The following TRPC5 variants were observed in gnomAD, a reference collection of about 807,000 sequenced individuals.
The protein encoded by TRPC5 is short transient receptor potential channel 5.
TRPC5 carries 9 observed loss-of-function variants against 56.5 expected under a neutral mutation model. That is an observed-to-expected ratio of 0.16 (90% CI 0.10 to 0.28). TRPC5 has a LOEUF of 0.28. Among genes scored for constraint, TRPC5 ranks in the 10% least tolerant of loss-of-function variants. TRPC5 has a pLI of 1.00. For synonymous variants in TRPC5, 282 were observed against 278.5 expected, an observed-to-expected ratio of 1.01 and a Z score of -0.13; for missense variants, 469 against 748.9, an observed-to-expected ratio of 0.63 and a Z score of 4.36.
intron 1 of TRPC5, among the ~76,000 whole-genome samples, chrX:112,055,663 A>C (rs1051954971): frequency 1.7e-4 from 18 of 108,995 alleles, no homozygotes; most frequent in African/African-American, 5.6e-4. Flanking sequence ...ACATACTTTA[A>C]ATTTTCCTTT....
chrX:111,828,213 G>A (rs1717312529), intron 7 of TRPC5, among the ~76,000 whole-genome samples: 1 of 111,902 alleles, frequency 8.9e-6, no homozygotes, highest in Non-Finnish European at 1.9e-5. Flanking sequence ...TTACTGATAT[G>A]GTTTGGCTGT....
chrX:111,910,876 G>A (rs1180474834), intron 3 of TRPC5, among the ~76,000 whole-genome samples: 1 of 112,783 alleles, frequency 8.9e-6, no homozygotes, highest in East Asian at 2.8e-4. Flanking sequence ...GTATTTCGCT[G>A]TGCGTAAGTA....
intron 1 of TRPC5, among the ~76,000 whole-genome samples, chrX:112,008,107 T>C (rs1162799651): frequency 4.5e-5 from 5 of 112,171 alleles, no homozygotes; most frequent in Non-Finnish European, 7.5e-5. Flanking sequence ...CATAGATTAG[T>C]TCCTCTCATA....
intron 1 of TRPC5, among the ~76,000 whole-genome samples, chrX:111,996,670 A>G (rs1405077179): frequency 2.7e-5 from 3 of 111,566 alleles, no homozygotes; most frequent in African/African-American, 9.8e-5. Context: ...GTGCTCCTGT[A>G]TTGGGTGCAT....
chrX:111,847,446 A>G lies in TRPC5; in HGVS notation c.1378-10T>C. 1 of 1,192,541 alleles carries G rather than the reference A, an allele frequency of 8.4e-7. No homozygotes were observed. Among genetic ancestry groups the G allele is most frequent in the Non-Finnish European group, 1.1e-6 (1 of 882,554 alleles). ...GACGAGAACCATTATACTGAAAGAA[A>G]CAACAAGTGCACAAGATGAGGGGTA... is the stretch of plus-strand genomic sequence containing the variant. On this transcript the variant is annotated splice_polypyrimidine_tract_variant and intron_variant, in intron 5 of 10. Coordinates refer to ENST00000262839, the MANE Select transcript of TRPC5 (RefSeq NM_012471.3).
intron 1 of TRPC5, among the ~76,000 whole-genome samples, chrX:111,970,099 C>T (rs913970889): frequency 9.0e-6 from 1 of 110,670 alleles, no homozygotes; most frequent in African/African-American, 3.3e-5. Flanking sequence ...AAATAATATC[C>T]AAGTTTAAGC....
chrX:111,982,271 G>A (rs1188971193), intron 1 of TRPC5, among the ~76,000 whole-genome samples: 1 of 112,033 alleles, frequency 8.9e-6, no homozygotes, highest in Non-Finnish European at 1.9e-5. Context: ...AAATACGCAT[G>A]ATAATTATAG....
At chrX:111,808,564 G>A (rs1921599491) in intron 7 of TRPC5, among the ~76,000 whole-genome samples, 1 of 110,596 alleles carries the variant, frequency 9.0e-6, no homozygotes, top group South Asian at 3.9e-4. Context: ...TTGGTGCAGG[G>A]AAGGTCCAGA....
rs961871034 is a variant in TRPC5 at position 112,041,343 on chromosome X, T to C, written c.-22+40536A>G. On this transcript the variant is annotated intron_variant, in intron 1 of 10. Coordinates refer to ENST00000262839, the MANE Select transcript of TRPC5 (RefSeq NM_012471.3). ...TACCCGCTAAGACCTATGAAACTGA[T>C]GACAAAGGGCCATATGGCTGGAAAG... is the stretch of plus-strand genomic sequence containing the variant. 9.8e-5 allele frequency among the ~76,000 whole-genome samples: 11 copies of C among 112,332 alleles called. No homozygotes were observed. The South Asian group carries it at 1.1e-3, about 11-fold the overall frequency.
chrX:112,008,838 C>T (rs972427675), intron 1 of TRPC5, among the ~76,000 whole-genome samples: 1 of 111,399 alleles, frequency 9.0e-6, no homozygotes, highest in Non-Finnish European at 1.9e-5. Flanking sequence ...AAAGATTAAT[C>T]ATAATCTTAA....
At chrX:111,808,800 C>G (rs892171574) in intron 7 of TRPC5, among the ~76,000 whole-genome samples, 4 of 110,137 alleles carry the variant, frequency 3.6e-5, no homozygotes, top group Non-Finnish European at 5.7e-5. Flanking sequence ...CCAAGGCTCA[C>G]AGTGAGTACT....
At chrX:111,956,611 G>A (rs759340069) in intron 1 of TRPC5, among the ~76,000 whole-genome samples, 1 of 111,104 alleles carries the variant, frequency 9.0e-6, no homozygotes, top group Non-Finnish European at 1.9e-5. Flanking sequence ...CACAGGGGTG[G>A]GCTGGTCGTG....
intron 6 of TRPC5, among the ~76,000 whole-genome samples, chrX:111,838,101 TAAAC>T (rs200099012): frequency 0.051 from 5,621 of 109,162 alleles, 371 homozygotes; most frequent in African/African-American, 0.18. Context: ...AAATAAATAA[TAAAC>T]AAACAAAGAA....
chrX:111,885,353 T>C (rs780218433), intron 3 of TRPC5, among the ~76,000 whole-genome samples: 7 of 111,866 alleles, frequency 6.3e-5, no homozygotes, highest in Non-Finnish European at 1.3e-4. Context: ...GGCCTAAATC[T>C]AGTTAGGACC....
rs574801408 is a variant in TRPC5, at chrX:111,968,972, T to TAATAAAATAA, written c.-21-16541_-21-16532dup. Among the ~76,000 whole-genome samples, 343 of 93,501 alleles carry TAATAAAATAA rather than the reference T, an allele frequency of 3.7e-3. 2 individuals are homozygous for TAATAAAATAA. Among genetic ancestry groups the TAATAAAATAA allele is most frequent in the African/African-American group, 8.5e-3 (209 of 24,637 alleles). The allele number at this position is 93,501 out of a possible 115,157, so 81.2% of individuals were successfully genotyped here. ...CACATGTACCCTAAAACTTAAAGTA[T>TAATAAAATAA]AATAAAATAAAATAAAATAAAATAA... On this transcript the variant is annotated intron_variant, in intron 1 of 10. Transcript: ENST00000262839.
intron 3 of TRPC5, among the ~76,000 whole-genome samples, chrX:111,880,483 G>A (rs1454845555): frequency 8.9e-6 from 1 of 112,393 alleles, no homozygotes; most frequent in Non-Finnish European, 1.9e-5. Flanking sequence ...ACTGTCCTGT[G>A]AACAGAGCTG....
chrX:112,007,837 C>A (rs1928882772), intron 1 of TRPC5, among the ~76,000 whole-genome samples: 1 of 111,539 alleles, frequency 9.0e-6, no homozygotes, highest in Non-Finnish European at 1.9e-5. Flanking sequence ...CACAGCCTGG[C>A]AAGTCTGCTT....
chrX:111,844,135 C>T (rs927073943), intron 6 of TRPC5, among the ~76,000 whole-genome samples: 5 of 109,706 alleles, frequency 4.6e-5, no homozygotes, highest in African/African-American at 6.7e-5. Flanking sequence ...AGTGAAGATA[C>T]GGAGAAAAGG....
At chrX:112,059,177 G>A (rs1239841377) in intron 1 of TRPC5, among the ~76,000 whole-genome samples, 1 of 111,383 alleles carries the variant, frequency 9.0e-6, no homozygotes, top group Non-Finnish European at 1.9e-5. Flanking sequence ...CCCCAAATAT[G>A]GTGAAATGAG....
Sources: gnomAD v4.1 joint callset for allele counts (sites outside exome capture counted in the v4.1 genomes callset) on GRCh38, gnomAD v4.1.1 for gene constraint, MANE v1.5 for transcripts, NCBI Gene and HGNC (gene_info 2026-07-23, HGNC 2026-07-21) for gene names.